Variants in ARFGEF1 observed in about 807,000 individuals in gnomAD.
The protein encoded by ARFGEF1 is brefeldin A-inhibited guanine nucleotide-exchange protein 1.
ARFGEF1 carries 42 observed loss-of-function variants against 231.0 expected under a neutral mutation model. That is an observed-to-expected ratio of 0.18 (90% CI 0.14 to 0.24). The LOEUF is 0.24. Among genes scored for constraint, ARFGEF1 ranks in the 10% least tolerant of loss-of-function variants. The probability of loss-of-function intolerance (pLI) is 1.00; values close to 1 mark genes in which losing one functional copy is unlikely to be tolerated. For synonymous variants in ARFGEF1, 710 were observed against 732.3 expected (o/e 0.97, Z 0.49); for missense variants, 1,345 against 2,192.0 (o/e 0.61, Z 7.72).
At chr8:67,186,157 A>G (rs1013002500) in intron 5 of ARFGEF1, among the ~76,000 whole-genome samples, 6 of 152,220 alleles carry the variant, frequency 3.9e-5, no homozygotes, top group African/African-American at 1.2e-4. Flanking sequence ...TCATTTCTGT[A>G]ACAGTTGATA....
At chr8:67,286,319 G>A (rs533638178) in intron 7 of ARFGEF1, among the ~76,000 whole-genome samples, 98 of 152,122 alleles carry the variant, frequency 6.4e-4, no homozygotes, top group African/African-American at 2.3e-3. Flanking sequence ...TCCTTTTTTC[G>A]AACTTTTCTC....
intron 1 of ARFGEF1, among the ~76,000 whole-genome samples, chr8:67,329,699 AAC>A (rs1200166961): frequency 6.6e-6 from 1 of 151,838 alleles, no homozygotes; most frequent in Non-Finnish European, 1.5e-5. Flanking sequence ...CCAAATTATT[AAC>A]AGTGACTATC....
chr8:67,181,139 G>A (rs932097959), intron 5 of ARFGEF1, among the ~76,000 whole-genome samples: 1 of 151,790 alleles, frequency 6.6e-6, no homozygotes, highest in Non-Finnish European at 1.5e-5. Context: ...CTGGACTCAA[G>A]TGCTCCTCCC....
At chr8:67,175,080 G>T, downstream of ARFGEF1, 1 of 495,294 alleles carries the variant, frequency 2.0e-6, no homozygotes. Flanking sequence ...CCTTATGTTG[G>T]TAAGTTTGTG....
chr8:67,343,245 C>T lies in ARFGEF1; in HGVS notation c.43G>A (p.Ala15Thr). Residue 15 changes from alanine to threonine, a missense_variant, in exon 1 of 39, where the codon GCT (alanine) becomes ACT (threonine). Ala to Thr is a moderately conservative substitution (Grantham distance 58). Around this residue, in one of 14 missense-constraint regions of ARFGEF1, gnomAD observed 398 missense variants for 463.2 expected, o/e 0.86. Coordinates refer to ENST00000262215, the MANE Select transcript of ARFGEF1 (RefSeq NM_006421.5). ...KKTKNMFLTRALEKILADKEV... is the reference protein window; with the variant it reads ...KKTKNMFLTRTLEKILADKEV... ...TTGTCGGCCAATATCTTCTCCAGAGCCCGGGTCAGGAACATGTTCTTCGTC... is the reference window on the plus strand; with the variant it reads ...TTGTCGGCCAATATCTTCTCCAGAGTCCGGGTCAGGAACATGTTCTTCGTC... 1 of 1,613,954 alleles carries T rather than the reference C, an allele frequency of 6.2e-7. No individual in the cohort carries two copies. Among genetic ancestry groups the T allele is most frequent in the Non-Finnish European group, 8.5e-7 (1 of 1,179,888 alleles).
Position 67,238,651 on chromosome 8 carries a change from C to T in ARFGEF1, c.3138+84G>A. 9 of 1,512,318 alleles carry T rather than the reference C, an allele frequency of 6.0e-6. No homozygotes were observed. In the Middle Eastern group the frequency reaches 5.8e-4, roughly 97 times the overall value. 93.7% of individuals were successfully genotyped at this position (1,512,318 alleles called of 1,614,324 possible). On this transcript the variant is annotated intron_variant, in intron 21 of 38. Coordinates refer to ENST00000262215, the MANE Select transcript of ARFGEF1 (RefSeq NM_006421.5). ...GAAATGTACTAATTTTCTCCCCTAA[C>T]ATTTAGGCATGTCAATGATGGACTA...
chr8:67,179,531 T>C (rs1300530822), intron 5 of ARFGEF1, among the ~76,000 whole-genome samples: 1 of 152,246 alleles, frequency 6.6e-6, no homozygotes, highest in East Asian at 1.9e-4. Flanking sequence ...TCATACTGTA[T>C]TATATTTTCC....
At chr8:67,266,411 TAGG>T (rs991608177) in intron 13 of ARFGEF1, among the ~76,000 whole-genome samples, 41 of 152,266 alleles carry the variant, frequency 2.7e-4, no homozygotes, top group Admixed American at 9.8e-4. Context: ...TCTGCACCAT[TAGG>T]AGGAGTTCTT....
At chr8:67,271,548 A>C (rs969752394) in intron 10 of ARFGEF1, among the ~76,000 whole-genome samples, 154 bp downstream of exon 10, 1 of 152,216 alleles carries the variant, frequency 6.6e-6, no homozygotes, top group Admixed American at 6.5e-5. Context: ...TCGTTGGCAC[A>C]TATTAGTTGA....
downstream of ARFGEF1, chr8:67,193,474 G>C (rs775362535): frequency 6.2e-7 from 1 of 1,612,762 alleles, no homozygotes; most frequent in Non-Finnish European, 8.5e-7. Flanking sequence ...GATAGCAGTC[G>C]TCCTAATGTA....
intron 1 of ARFGEF1, among the ~76,000 whole-genome samples, chr8:67,342,775 A>C (rs921078742): frequency 1.3e-5 from 2 of 152,158 alleles, no homozygotes; most frequent in Non-Finnish European, 2.9e-5. Flanking sequence ...CAATCTTGAC[A>C]TACCAGCCCC....
chr8:67,315,743 G>A (rs968851984), intron 1 of ARFGEF1, among the ~76,000 whole-genome samples: 3 of 152,022 alleles, frequency 2.0e-5, no homozygotes, highest in Non-Finnish European at 4.4e-5. Context: ...TGGGTCAGAG[G>A]AAGTCTTAAG....
At chr8:67,255,465 A>G (rs906374972) in intron 17 of ARFGEF1, among the ~76,000 whole-genome samples, 1 of 152,208 alleles carries the variant, frequency 6.6e-6, no homozygotes, top group Non-Finnish European at 1.5e-5. Context: ...CTACATAAAA[A>G]GTAGCCTAAC....
Position 67,199,959 on chromosome 8 carries a change from G to A in ARFGEF1, c.5385+437C>T, listed in dbSNP as rs1167872694. 1.1e-4 allele frequency: 31 copies of A among 270,834 alleles called. No individual in the cohort carries two copies. The Admixed American group carries it at 1.4e-3, about 12-fold the overall frequency. 16.8% of individuals were successfully genotyped at this position (270,834 alleles called of 1,614,324 possible). ...TGAGGCCCATTCACTAGGGACTCTGGGTTACCTGGAACCACTAAATATGCC... is the reference window on the plus strand; with the variant it reads ...TGAGGCCCATTCACTAGGGACTCTGAGTTACCTGGAACCACTAAATATGCC... On this transcript the variant is annotated intron_variant, in intron 38 of 38. Coordinates refer to ENST00000262215, the MANE Select transcript of ARFGEF1 (RefSeq NM_006421.5).
chr8:67,234,215 T>G (rs1839642611), intron 22 of ARFGEF1, among the ~76,000 whole-genome samples: 1 of 152,102 alleles, frequency 6.6e-6, no homozygotes, highest in Non-Finnish European at 1.5e-5. Flanking sequence ...CTGAATGATG[T>G]GAAAAAGATG....
At chr8:67,218,206 AAATATATATATAT>A (rs1214211463) in intron 30 of ARFGEF1, 68 bp from the exon 31 acceptor site, 9 of 174,966 alleles carry the variant, frequency 5.1e-5, no homozygotes, top group East Asian at 3.5e-4. Context: ...AAAAAAAAAA[AAATATATATATAT>A]ATATATATAT....
intron 30 of ARFGEF1, among the ~76,000 whole-genome samples, chr8:67,218,468 G>A (rs1173019267): frequency 6.6e-6 from 1 of 151,710 alleles, no homozygotes; most frequent in Non-Finnish European, 1.5e-5. Context: ...CGAAGTGCAT[G>A]AATAGCAACG....
chr8:67,230,198 A>C (rs1196472882), intron 23 of ARFGEF1, among the ~76,000 whole-genome samples: 1 of 152,118 alleles, frequency 6.6e-6, no homozygotes, highest in Non-Finnish European at 1.5e-5. Context: ...AAGCCTTAAC[A>C]TTAAGGCAAG....
chr8:67,236,568 G>A (rs1308847561), intron 22 of ARFGEF1, among the ~76,000 whole-genome samples: 9 of 151,736 alleles, frequency 5.9e-5, no homozygotes, highest in Non-Finnish European at 1.0e-4. Flanking sequence ...GGGTTGGCTG[G>A]TTATCCAACG....
Sources: allele counts gnomAD v4.1 joint callset (sites outside exome capture counted in the v4.1 genomes callset), GRCh38; gene constraint gnomAD v4.1.1; regional missense constraint gnomAD v4.1.1; transcripts MANE v1.5; gene names NCBI Gene and HGNC (gene_info 2026-07-23, HGNC 2026-07-21).